The following DNAJC1 variants were observed in gnomAD, a reference collection of about 807,000 sequenced individuals.
DNAJC1 encodes the protein dnaJ homolog subfamily C member 1.
In DNAJC1, 58 loss-of-function variants were observed where a neutral mutation model predicts 76.6. That is an observed-to-expected ratio of 0.76 (90% CI 0.61 to 0.94). The LOEUF is 0.94. Ranked by LOEUF, DNAJC1 falls within the 40% of genes least tolerant of loss-of-function variation. The pLI is 0.00. For missense variants in DNAJC1, 689 were observed against 677.3 expected, an observed-to-expected ratio of 1.02 and a Z score of -0.19; for synonymous variants, 258 against 267.9, an observed-to-expected ratio of 0.96 and a Z score of 0.36.
chr10:21,869,892 T>C (rs1836074292), intron 8 of DNAJC1, among the ~76,000 whole-genome samples: 1 of 152,118 alleles, frequency 6.6e-6, no homozygotes, highest in South Asian at 2.1e-4. Flanking sequence ...TGTACTGTCT[T>C]GGAAACTTCC....
chr10:21,955,356 T>C (rs1008020277), intron 1 of DNAJC1, among the ~76,000 whole-genome samples: 2 of 152,212 alleles, frequency 1.3e-5, no homozygotes, highest in Non-Finnish European at 2.9e-5. Context: ...GCAAACCTCT[T>C]CAGGTAAAAT....
chr10:21,790,234 G>A (rs547882629), intron 9 of DNAJC1, among the ~76,000 whole-genome samples: 1 of 150,948 alleles, frequency 6.6e-6, no homozygotes, highest in East Asian at 1.9e-4. Context: ...GTTCCAGAAG[G>A]AGAAGACATG....
chr10:21,921,331 G>A (rs1307006797), intron 3 of DNAJC1, among the ~76,000 whole-genome samples: 1 of 151,944 alleles, frequency 6.6e-6, no homozygotes, highest in African/African-American at 2.4e-5. Context: ...ATCTCAATAG[G>A]AGAAAGATCA....
intron 8 of DNAJC1, among the ~76,000 whole-genome samples, chr10:21,816,016 T>A (rs535318598): frequency 6.0e-4 from 90 of 151,244 alleles, no homozygotes; most frequent in African/African-American, 2.2e-3. Context: ...AGTGCTGGGA[T>A]TACAGGCATG....
intron 7 of DNAJC1, among the ~76,000 whole-genome samples, chr10:21,884,562 C>T (rs550593459): frequency 2.6e-5 from 4 of 152,162 alleles, no homozygotes; most frequent in African/African-American, 9.6e-5. Flanking sequence ...AACAAAAGTA[C>T]TCAAATATAA....
chr10:21,846,879 C>CTTT (rs777182871), intron 8 of DNAJC1, among the ~76,000 whole-genome samples: 1 of 135,646 alleles, frequency 7.4e-6, no homozygotes, highest in East Asian at 2.2e-4. Context: ...TGGATAATGA[C>CTTT]TTTTTTTTTT....
intron 8 of DNAJC1, among the ~76,000 whole-genome samples, chr10:21,834,740 G>T: frequency 6.6e-6 from 1 of 152,222 alleles, no homozygotes; most frequent in Admixed American, 6.5e-5. Context: ...AGCAGTCTGA[G>T]ATCAAACTGC....
At chr10:21,914,687 A>T (rs900301629) in intron 6 of DNAJC1, among the ~76,000 whole-genome samples, 1 of 152,162 alleles carries the variant, frequency 6.6e-6, no homozygotes, top group Non-Finnish European at 1.5e-5. Flanking sequence ...TACCCTCTTT[A>T]AAAAAAGGCT....
chr10:21,994,519 T>C (rs955093679), intron 1 of DNAJC1, among the ~76,000 whole-genome samples: 2 of 152,168 alleles, frequency 1.3e-5, no homozygotes, highest in Admixed American at 6.5e-5. Flanking sequence ...CCAGGCGCGG[T>C]GGCTCACACC....
chr10:21,904,681 C>A, intron 6 of DNAJC1, 69 bp from the exon 7 acceptor site: 2 of 1,007,934 alleles, frequency 2.0e-6, no homozygotes, highest in South Asian at 1.6e-5. Flanking sequence ...TTCCATGTAA[C>A]TTAACTTTAA....
At chr10:21,948,247 C>T (rs923297384) in intron 1 of DNAJC1, among the ~76,000 whole-genome samples, 2 of 152,004 alleles carry the variant, frequency 1.3e-5, no homozygotes, top group Non-Finnish European at 2.9e-5. Context: ...TGAGCCACCA[C>T]GCCTGGCCCA....
intron 8 of DNAJC1, among the ~76,000 whole-genome samples, chr10:21,818,285 CCAGGCTTAT>C (rs1473671444): frequency 6.6e-6 from 1 of 152,150 alleles, no homozygotes; most frequent in Non-Finnish European, 1.5e-5. Context: ...CATAGCGCTC[CCAGGCTTAT>C]CAGGACAAGG....
chr10:21,818,900 A>G (rs1250563631), intron 8 of DNAJC1, among the ~76,000 whole-genome samples: 1 of 152,198 alleles, frequency 6.6e-6, no homozygotes, highest in Non-Finnish European at 1.5e-5. Context: ...AGTCTTACAT[A>G]AGATTATATT....
intron 1 of DNAJC1, among the ~76,000 whole-genome samples, chr10:21,987,431 A>G (rs1564845954): frequency 6.6e-6 from 1 of 152,200 alleles, no homozygotes; most frequent in Non-Finnish European, 1.5e-5. Flanking sequence ...AAGCTTTCAG[A>G]AGTGTAATAC....
chr10:21,889,559 CA>C (rs929574123), intron 7 of DNAJC1, among the ~76,000 whole-genome samples: 3 of 152,054 alleles, frequency 2.0e-5, no homozygotes, highest in Non-Finnish European at 4.4e-5. Context: ...ATACAACAAA[CA>C]CAAGAAGAAT....
intron 8 of DNAJC1, among the ~76,000 whole-genome samples, chr10:21,810,417 T>C (rs545731890): frequency 6.6e-6 from 1 of 152,236 alleles, no homozygotes; most frequent in African/African-American, 2.4e-5. Context: ...TTGAACATAA[T>C]ATAAAGGACA....
intron 9 of DNAJC1, among the ~76,000 whole-genome samples, chr10:21,804,662 A>G (rs956042427): frequency 1.4e-5 from 2 of 144,744 alleles, no homozygotes; most frequent in African/African-American, 5.1e-5. Flanking sequence ...AAACACAGCA[A>G]AAAAAAAAAA....
At chr10:21,783,196 A>T (rs1834555708) in intron 9 of DNAJC1, among the ~76,000 whole-genome samples, 1 of 152,244 alleles carries the variant, frequency 6.6e-6, no homozygotes, top group Admixed American at 6.5e-5. Flanking sequence ...AAGCAACTTC[A>T]GCAAAGTCTC....
At chr10:21,878,353 C>T (rs1027149571) in intron 8 of DNAJC1, among the ~76,000 whole-genome samples, 1 of 152,172 alleles carries the variant, frequency 6.6e-6, no homozygotes, top group African/African-American at 2.4e-5. Context: ...GCAACAGCAA[C>T]GAGAGGTGTT....
Sources: gnomAD v4.1 joint callset for allele counts (sites outside exome capture counted in the v4.1 genomes callset) on GRCh38, gnomAD v4.1.1 for gene constraint, MANE v1.5 for transcripts, NCBI Gene and HGNC (gene_info 2026-07-23, HGNC 2026-07-21) for gene names.